Variants in RPTOR observed in about 807,000 individuals in gnomAD.
RPTOR encodes the protein regulatory-associated protein of mTOR.
RPTOR carries 21 observed loss-of-function variants against 169.9 expected under a neutral mutation model. The observed-to-expected ratio is 0.12, with a 90% CI of 0.09 to 0.18. The LOEUF (loss-of-function observed/expected upper bound fraction) is 0.18. RPTOR is among the 10% of genes least tolerant of loss of function. The pLI is 1.00. For missense variants in RPTOR, 1,133 were observed against 1,855.9 expected (o/e 0.61, Z 7.16); for synonymous variants, 732 against 753.2 (o/e 0.97, Z 0.46).
chr17:80,871,176 G>A (rs1381870573), intron 13 of RPTOR, among the ~76,000 whole-genome samples: 1 of 151,362 alleles, frequency 6.6e-6, no homozygotes, highest in East Asian at 1.9e-4. Context: ...CGCGATCTCG[G>A]CTCACTGCAA....
intron 3 of RPTOR, among the ~76,000 whole-genome samples, chr17:80,684,074 A>G (rs967491598): frequency 6.6e-6 from 1 of 152,016 alleles, no homozygotes; most frequent in Non-Finnish European, 1.5e-5. Context: ...GTTCCCAGTT[A>G]TTTTCTGCCT....
chr17:80,648,801 C>G (rs1474756831), intron 3 of RPTOR, among the ~76,000 whole-genome samples: 1 of 152,094 alleles, frequency 6.6e-6, no homozygotes, highest in Non-Finnish European at 1.5e-5. Flanking sequence ...TCCCACAATT[C>G]CCACGTGCCA....
chr17:80,665,514 CTTTCCTTTCCATGT>C (rs2065769663), intron 3 of RPTOR, among the ~76,000 whole-genome samples: 1 of 83,204 alleles, frequency 1.2e-5, no homozygotes, highest in African/African-American at 6.3e-5. Flanking sequence ...ATGTCCTTTC[CTTTCCTTTCCATGT>C]CCTTTCCTTT....
intron 1 of RPTOR, among the ~76,000 whole-genome samples, chr17:80,598,877 ATTCT>A (rs757652883): frequency 8.6e-5 from 11 of 128,160 alleles, no homozygotes; most frequent in East Asian, 4.7e-4. Context: ...AACTTTCTTG[ATTCT>A]TTCTATCTAT....
At chr17:80,944,891 T>C (rs2069079779) in intron 25 of RPTOR, among the ~76,000 whole-genome samples, 1 of 150,392 alleles carries the variant, frequency 6.6e-6, no homozygotes, top group Non-Finnish European at 1.5e-5. Flanking sequence ...CTCAGGAGGC[T>C]GAGGCAGGAG....
intron 4 of RPTOR, among the ~76,000 whole-genome samples, chr17:80,725,521 G>A (rs142729356): frequency 4.6e-5 from 7 of 152,220 alleles, no homozygotes; most frequent in African/African-American, 1.7e-4. Flanking sequence ...TATACAGGGG[G>A]CTTTTCAATT....
rs1351206563 is a variant in RPTOR, at chr17:80,860,594, G to A, written c.1509+2694G>A. On this transcript the variant is annotated intron_variant, in intron 13 of 33. Transcript: ENST00000306801. The surrounding 1 kb of genome is among the most constrained non-coding windows in gnomAD (Gnocchi z 5.8). ...GAAGTCAGGGGGCAGTGGGGAGGCT[G>A]CTGCCGAAGCGGACGGTGAGGGCTT... is the stretch of plus-strand genomic sequence containing the variant. Among the ~76,000 whole-genome samples the A allele has an allele frequency of 1.3e-5, 2 of 152,132 alleles. No homozygotes were observed. Among genetic ancestry groups the A allele is most frequent in the Non-Finnish European group, 2.9e-5 (2 of 68,024 alleles).
At chr17:80,943,097 C>T (rs2069053852) in intron 25 of RPTOR, among the ~76,000 whole-genome samples, 2 of 152,244 alleles carry the variant, frequency 1.3e-5, no homozygotes, top group Non-Finnish European at 2.9e-5. Context: ...AACAGTAGCT[C>T]ACCCGAGGTG....
rs2093306616 is a variant in RPTOR, at chr17:80,845,064, A to G, written c.1213-1409A>G. ...GTGGAAGTGACTCTCCGTGGAGGGA[A>G]TCAGGCCGGACTGCTCCTGCCTGGC... On this transcript the variant is annotated intron_variant, in intron 10 of 33. Transcript: ENST00000306801. The surrounding 1 kb of genome is among the most constrained non-coding windows in gnomAD (Gnocchi z 5.4). 6.6e-6 allele frequency among the ~76,000 whole-genome samples: 1 copy of G among 151,764 alleles called. No individual in the cohort carries two copies. Among genetic ancestry groups the G allele is most frequent in the Non-Finnish European group, 1.5e-5 (1 of 67,934 alleles).
At position 80,959,282 on chromosome 17, in the gene RPTOR, A is replaced by G. The variant is rs1052657800; in HGVS notation, c.3478-796A>G. On this transcript the variant is annotated intron_variant, in intron 29 of 33. Coordinates refer to ENST00000306801, the MANE Select transcript of RPTOR (RefSeq NM_020761.3). The surrounding 1 kb of genome is among the most constrained non-coding windows in gnomAD (Gnocchi z 6.7). ...CCACACGAGACGTAGCCCTCAGGGC[A>G]CAGCGTGGACACCCTGATCCTCAGG... Among the ~76,000 whole-genome samples, 1 of 152,132 alleles carries G rather than the reference A, an allele frequency of 6.6e-6. No homozygotes were observed. Among genetic ancestry groups the G allele is most frequent in the Non-Finnish European group, 1.5e-5 (1 of 68,002 alleles).
rs550093438 is a variant in RPTOR, at chr17:80,918,413, G to A, written c.2521-4311G>A. Among the ~76,000 whole-genome samples, 11 of 151,858 alleles carry A rather than the reference G, an allele frequency of 7.2e-5. No homozygotes were observed. In the South Asian group the frequency reaches 1.2e-3, roughly 17 times the overall value. On this transcript the variant is annotated intron_variant, in intron 21 of 33. Transcript: ENST00000306801. ...CAGCGGCTGCCCCACGAGCACCCTC[G>A]CGGGGGTCATAGCCACGAGCACCCT... is the stretch of plus-strand genomic sequence containing the variant.
chr17:80,884,652 C>G (rs570652595), intron 16 of RPTOR, among the ~76,000 whole-genome samples: 15 of 152,328 alleles, frequency 9.8e-5, no homozygotes, highest in African/African-American at 3.1e-4. Context: ...GGAGTGCCTG[C>G]GCCCTCCCCT....
At chr17:80,564,750 C>T (rs1161477001) in intron 1 of RPTOR, among the ~76,000 whole-genome samples, 1 of 151,848 alleles carries the variant, frequency 6.6e-6, no homozygotes, top group Non-Finnish European at 1.5e-5. Flanking sequence ...CTCCTCCCAC[C>T]GTCTACCCTC....
At chr17:80,741,718 C>T (rs2066483358) in intron 5 of RPTOR, among the ~76,000 whole-genome samples, 1 of 152,186 alleles carries the variant, frequency 6.6e-6, no homozygotes, top group South Asian at 2.1e-4. Flanking sequence ...CCTGAGAATG[C>T]ATCAGAAGGT....
intron 4 of RPTOR, among the ~76,000 whole-genome samples, chr17:80,727,007 G>A (rs1209889620): frequency 6.6e-6 from 1 of 152,126 alleles, no homozygotes; most frequent in Non-Finnish European, 1.5e-5. Context: ...GAGGAAGCGT[G>A]CTCAAGTGCA....
chr17:80,951,433 G>A (rs985258547), intron 28 of RPTOR, among the ~76,000 whole-genome samples: 8 of 152,206 alleles, frequency 5.3e-5, no homozygotes, highest in Non-Finnish European at 8.8e-5. Flanking sequence ...CAGGGGTCTC[G>A]GGGTCAGAGA....
At chr17:80,661,293 C>T (rs1027632418) in intron 3 of RPTOR, among the ~76,000 whole-genome samples, 28 of 152,278 alleles carry the variant, frequency 1.8e-4, no homozygotes, top group African/African-American at 5.8e-4. Flanking sequence ...TTCCAAGTCT[C>T]AGCACAAGGC....
intron 1 of RPTOR, among the ~76,000 whole-genome samples, chr17:80,604,926 T>C (rs2065217781): frequency 6.9e-6 from 1 of 145,286 alleles, no homozygotes; most frequent in Non-Finnish European, 1.6e-5. Context: ...TCTTTTTTTT[T>C]TTCCCCTTTT....
intron 13 of RPTOR, among the ~76,000 whole-genome samples, chr17:80,875,262 G>A (rs2068094235): frequency 6.6e-6 from 1 of 152,184 alleles, no homozygotes; most frequent in Admixed American, 6.5e-5. Context: ...TTGGCCAGGG[G>A]CTCCTCCTGG....
Sources: allele counts gnomAD v4.1 joint callset (sites outside exome capture counted in the v4.1 genomes callset), GRCh38; gene constraint gnomAD v4.1.1; non-coding constraint Gnocchi (gnomAD v3.1); transcripts MANE v1.5; gene names NCBI Gene and HGNC (gene_info 2026-07-23, HGNC 2026-07-21).